TCAIM: variants seen among roughly 807,000 people sequenced by gnomAD.
The protein encoded by TCAIM is T-cell activation inhibitor, mitochondrial.
TCAIM carries 36 observed loss-of-function variants against 58.6 expected under a neutral mutation model. That is an observed-to-expected ratio of 0.61 (90% CI 0.47 to 0.81). The LOEUF is 0.81. Ranked by LOEUF, TCAIM falls within the 30% of genes least tolerant of loss-of-function variation. TCAIM has a pLI of 0.00. For missense variants in TCAIM, 466 were observed against 579.6 expected (o/e 0.80, Z 2.01); for synonymous variants, 172 against 193.6 (o/e 0.89, Z 0.93).
intron 5 of TCAIM, among the ~76,000 whole-genome samples, chr3:44,385,994 C>CT (rs1034019879): frequency 5.8e-4 from 88 of 151,034 alleles, no homozygotes; most frequent in African/African-American, 1.3e-3. Flanking sequence ...CTTATACTTT[C>CT]TTTTTTTTTA....
At chr3:44,407,378 G>A in intron 10 of TCAIM, 64 bp from the exon 11 acceptor site, 3 of 1,231,842 alleles carry the variant, frequency 2.4e-6, no homozygotes, top group Non-Finnish European at 3.3e-6. Flanking sequence ...TACATTGTGT[G>A]TTCTTTTGTT....
At chr3:44,355,057 T>C (rs1701164986) in intron 2 of TCAIM, among the ~76,000 whole-genome samples, 2 of 152,156 alleles carry the variant, frequency 1.3e-5, no homozygotes, top group Non-Finnish European at 2.9e-5. Context: ...GAAAAACAGA[T>C]CAAGTTTCCT....
At chr3:44,391,379 A>G (rs1701833917) in intron 5 of TCAIM, 1 of 151,986 alleles carries the variant, frequency 6.6e-6, no homozygotes, top group Non-Finnish European at 1.5e-5. Context: ...TTTAGTAGAG[A>G]TGGGGTTTCA....
At chr3:44,398,278 T>C (rs910290754) in intron 8 of TCAIM, among the ~76,000 whole-genome samples, 1 of 151,554 alleles carries the variant, frequency 6.6e-6, no homozygotes, top group African/African-American at 2.4e-5. Flanking sequence ...TAAAAAAAAA[T>C]AAAAAGCCGG....
chr3:44,360,950 AAAT>A (rs1701286181), intron 3 of TCAIM, among the ~76,000 whole-genome samples: 1 of 152,208 alleles, frequency 6.6e-6, no homozygotes, highest in African/African-American at 2.4e-5. Context: ...ATTTATCAAA[AAAT>A]AATGATGAAG....
At chr3:44,376,002 A>G (rs1411091901) in intron 5 of TCAIM, among the ~76,000 whole-genome samples, 1 of 152,260 alleles carries the variant, frequency 6.6e-6, no homozygotes. Context: ...AGAAAAAGGA[A>G]TGAAGTACTG....
intron 8 of TCAIM, among the ~76,000 whole-genome samples, chr3:44,397,295 C>G (rs1575278123): frequency 6.6e-6 from 1 of 152,174 alleles, no homozygotes; most frequent in Non-Finnish European, 1.5e-5. Context: ...TGTAAACACT[C>G]CCTCCCATCC....
intron 9 of TCAIM, chr3:44,400,992 A>G (rs1470601330): frequency 4.4e-5 from 27 of 617,966 alleles, no homozygotes; most frequent in East Asian, 3.3e-4. Context: ...TGTGACAGAT[A>G]AGGAAGGTCA....
At chr3:44,357,490 A>G (rs1701217564) in intron 2 of TCAIM, among the ~76,000 whole-genome samples, 1 of 152,250 alleles carries the variant, frequency 6.6e-6, no homozygotes, top group Non-Finnish European at 1.5e-5. Context: ...CTGAATTTCA[A>G]AGTGGAGTAT....
chr3:44,399,683 T>C (rs1351847967), intron 8 of TCAIM, among the ~76,000 whole-genome samples: 1 of 152,228 alleles, frequency 6.6e-6, no homozygotes, highest in Admixed American at 6.5e-5. Context: ...ATCCCTTACA[T>C]TCATGTGCCA....
chr3:44,407,431 C>G lies in TCAIM; in HGVS notation c.1251-11C>G. ...GTTCTTATGACAATATTTTTATTTT[C>G]TATATAATAGGTTAAAGGTTATTGA... On this transcript the variant is annotated splice_polypyrimidine_tract_variant and intron_variant, in intron 10 of 10. Coordinates refer to ENST00000342649, the MANE Select transcript of TCAIM (RefSeq NM_173826.4). 7.0e-7 allele frequency: 1 copy of G among 1,420,798 alleles called. No homozygotes were observed. The highest frequency in any genetic ancestry group is 9.7e-7 in the Non-Finnish European group (1 of 1,034,498). The allele number at this position is 1,420,798 out of a possible 1,614,324, so 88.0% of individuals were successfully genotyped here.
At chr3:44,362,637 C>A in intron 4 of TCAIM, 1 of 380,402 alleles carries the variant, frequency 2.6e-6, no homozygotes, top group Non-Finnish European at 4.6e-6. Context: ...AAAAATAGCC[C>A]TATTCTTCAA....
intron 6 of TCAIM, among the ~76,000 whole-genome samples, chr3:44,394,163 T>C (rs955866746): frequency 6.6e-6 from 1 of 152,264 alleles, no homozygotes; most frequent in Non-Finnish European, 1.5e-5. Flanking sequence ...AACACCTTTT[T>C]TTCCTGTGTT....
At chr3:44,347,904 G>A (rs1701001944) in intron 1 of TCAIM, among the ~76,000 whole-genome samples, 1 of 152,084 alleles carries the variant, frequency 6.6e-6, no homozygotes, top group South Asian at 2.1e-4. Flanking sequence ...AGGATGTGAA[G>A]GAGGCTTTGA....
At chr3:44,363,953 G>A (rs1431410325) in intron 4 of TCAIM, among the ~76,000 whole-genome samples, 5 of 107,114 alleles carry the variant, frequency 4.7e-5, no homozygotes, top group East Asian at 3.1e-4. Context: ...TTTTTCATAC[G>A]GAGTCTCACT....
chr3:44,387,253 C>T (rs1219306741), intron 5 of TCAIM, among the ~76,000 whole-genome samples: 1 of 152,230 alleles, frequency 6.6e-6, no homozygotes, highest in Non-Finnish European at 1.5e-5. Context: ...ACCAGGTCTC[C>T]TGAGAGCTGT....
intron 10 of TCAIM, among the ~76,000 whole-genome samples, chr3:44,405,061 T>C (rs1702079298): frequency 6.6e-6 from 1 of 152,114 alleles, no homozygotes; most frequent in Admixed American, 6.5e-5. Flanking sequence ...CTCCTGTCTC[T>C]TGGCATTGCC....
chr3:44,354,762 G>C lies in TCAIM; in HGVS notation c.-21G>C. 1 of 1,605,062 alleles carries C rather than the reference G, an allele frequency of 6.2e-7. No individual in the cohort carries two copies. Among genetic ancestry groups the C allele is most frequent in the Non-Finnish European group, 8.5e-7 (1 of 1,177,716 alleles). On this transcript the variant is annotated 5_prime_UTR_variant, in exon 2 of 11. It removes the in-frame stop codon of an upstream open reading frame in the 5' UTR. Coordinates refer to ENST00000342649, the MANE Select transcript of TCAIM (RefSeq NM_173826.4). ...AGCAATTAATGGATGCCTCGAAGTT[G>C]ACGTACATATATATTCAGAAATGTT...
chr3:44,390,706 C>T (rs1186569330), intron 5 of TCAIM, among the ~76,000 whole-genome samples: 1 of 152,166 alleles, frequency 6.6e-6, no homozygotes, highest in Non-Finnish European at 1.5e-5. Flanking sequence ...CATGGTGGCT[C>T]ATGCCTATAA....
Sources: gnomAD v4.1 joint callset for allele counts (sites outside exome capture counted in the v4.1 genomes callset) on GRCh38, gnomAD v4.1.1 for gene constraint, MANE v1.5 for transcripts, NCBI Gene and HGNC (gene_info 2026-07-23, HGNC 2026-07-21) for gene names.